CFAP299: variants seen among roughly 807,000 people sequenced by gnomAD.
The protein encoded by CFAP299 is cilia- and flagella-associated protein 299.
In CFAP299, 21 loss-of-function variants were observed where a neutral mutation model predicts 27.0. The observed-to-expected ratio is 0.78, with a 90% CI of 0.55 to 1.12. The LOEUF is 1.12. Ranked by LOEUF, CFAP299 falls within the 50% of genes most tolerant of loss-of-function variation. The pLI is 0.00. For synonymous variants in CFAP299, 104 were observed against 98.1 expected (o/e 1.06, Z -0.36); for missense variants, 310 against 276.6 (o/e 1.12, Z -0.86).
chr4:80,575,954 C>T (rs896857637), intron 2 of CFAP299, among the ~76,000 whole-genome samples: 1 of 151,588 alleles, frequency 6.6e-6, no homozygotes, highest in East Asian at 1.9e-4. Flanking sequence ...CTGAACGCCG[C>T]ATGTTCTCAC....
At chr4:80,438,551 C>T (rs550900594) in intron 2 of CFAP299, among the ~76,000 whole-genome samples, 19 of 152,182 alleles carry the variant, frequency 1.2e-4, no homozygotes, top group Non-Finnish European at 2.2e-4. Context: ...CTAATTTGAA[C>T]GTTACCTTTG....
At position 80,351,794 on chromosome 4, in the gene CFAP299, TGTTATA is replaced by T. The variant is rs760075107; in HGVS notation, c.112-10951_112-10946del. Among the ~76,000 whole-genome samples, 4 of 150,880 alleles carry T rather than the reference TGTTATA, an allele frequency of 2.7e-5. No individual in the cohort carries two copies. In the South Asian group the frequency reaches 6.2e-4, roughly 24 times the overall value. On this transcript the variant is annotated intron_variant, in intron 1 of 5. Transcript: ENST00000358105. ...AATAAAACATTAAGATTAATATTAATGTTATAGTTATAGTAATATATTAATAACATT... is the reference window on the plus strand; with the variant it reads ...AATAAAACATTAAGATTAATATTAATGTTATAGTAATATATTAATAACATT...
chr4:80,442,245 A>G (rs759914239), intron 2 of CFAP299, among the ~76,000 whole-genome samples: 1 of 152,218 alleles, frequency 6.6e-6, no homozygotes, highest in Non-Finnish European at 1.5e-5. Context: ...CCCCAAATCA[A>G]CAGAATATAC....
chr4:80,849,177 T>G (rs1214013271), intron 3 of CFAP299, among the ~76,000 whole-genome samples: 4 of 152,118 alleles, frequency 2.6e-5, no homozygotes, highest in Non-Finnish European at 5.9e-5. Flanking sequence ...TTTTAAAATT[T>G]TTTATTATTT....
chr4:80,509,417 A>G (rs746155195), intron 2 of CFAP299, among the ~76,000 whole-genome samples: 1 of 152,196 alleles, frequency 6.6e-6, no homozygotes, highest in African/African-American at 2.4e-5. Context: ...TGTGGGCCCA[A>G]AGTGAAAGCT....
At chr4:80,950,982 A>G (rs1414106239) in intron 5 of CFAP299, among the ~76,000 whole-genome samples, 3 of 152,230 alleles carry the variant, frequency 2.0e-5, no homozygotes, top group African/African-American at 7.2e-5. Flanking sequence ...ACAATGACTT[A>G]GAATCAAAAT....
At chr4:80,777,225 C>A (rs1306012392) in intron 3 of CFAP299, among the ~76,000 whole-genome samples, 2 of 152,122 alleles carry the variant, frequency 1.3e-5, no homozygotes, top group Non-Finnish European at 2.9e-5. Flanking sequence ...AAATGTTTAT[C>A]CTCTTTGAAA....
At chr4:80,565,391 A>G (rs2110227038) in intron 2 of CFAP299, among the ~76,000 whole-genome samples, 1 of 152,170 alleles carries the variant, frequency 6.6e-6, no homozygotes, top group African/African-American at 2.4e-5. Context: ...CATGTATAGA[A>G]TGTTTGCTTT....
chr4:80,673,052 C>G (rs1284559405), intron 3 of CFAP299, among the ~76,000 whole-genome samples: 1 of 151,888 alleles, frequency 6.6e-6, no homozygotes, highest in Non-Finnish European at 1.5e-5. Flanking sequence ...CTTCTGCTAG[C>G]TTTTGAATGT....
chr4:80,353,137 A>G (rs918991180), intron 1 of CFAP299, among the ~76,000 whole-genome samples: 1 of 152,236 alleles, frequency 6.6e-6, no homozygotes, highest in Admixed American at 6.5e-5. Flanking sequence ...TAAAATATCA[A>G]TAAAATTGAC....
In CFAP299 at chr4:80,335,810, C is replaced by G. The variant is rs1415585569; in HGVS notation, c.42C>G (p.Val14=). The part of the protein sequence containing the change: ...EEGLKALDNI[V]TQFNAYEDFL... ...GGCTGAAGGCCTTGGACAATATTGT[C>G]ACTCAATTCAACGCCTATGAAGATT... The change falls in exon 1 of 6, where the codon GTC becomes GTG. Residue 14 remains valine, a synonymous_variant. Transcript: ENST00000358105. The G allele has an allele frequency of 1.2e-6, 2 of 1,613,714 alleles. No individual in the cohort carries two copies. Among genetic ancestry groups the G allele is most frequent in the Admixed American group, 1.7e-5 (1 of 60,014 alleles).
intron 2 of CFAP299, chr4:80,388,826 C>T: frequency 2.6e-6 from 1 of 382,916 alleles, no homozygotes; most frequent in Admixed American, 4.2e-5. Flanking sequence ...TCTTCTCTTC[C>T]AATCATATTT....
At chr4:80,626,039 TAAC>T (rs1381214954) in intron 3 of CFAP299, among the ~76,000 whole-genome samples, 2 of 151,884 alleles carry the variant, frequency 1.3e-5, no homozygotes, top group East Asian at 1.9e-4. Flanking sequence ...CAAGTGGACA[TAAC>T]AAATATATGC....
intron 3 of CFAP299, among the ~76,000 whole-genome samples, chr4:80,615,060 C>T (rs1738201893): frequency 6.6e-6 from 1 of 152,160 alleles, no homozygotes; most frequent in African/African-American, 2.4e-5. Flanking sequence ...AAACTTCATT[C>T]ATATTTTAAT....
chr4:80,413,821 A>G (rs1726857865), intron 2 of CFAP299, among the ~76,000 whole-genome samples: 1 of 148,850 alleles, frequency 6.7e-6, no homozygotes, highest in Non-Finnish European at 1.5e-5. Context: ...CCATAAAATG[A>G]CTGTTGCAGT....
intron 4 of CFAP299, among the ~76,000 whole-genome samples, chr4:80,889,818 AC>A (rs1245692256): frequency 6.6e-6 from 1 of 152,144 alleles, no homozygotes; most frequent in Non-Finnish European, 1.5e-5. Context: ...GGATGGTTCA[AC>A]ATATGCAAAT....
chr4:80,578,695 T>A (rs1578626083), intron 2 of CFAP299, among the ~76,000 whole-genome samples: 1 of 152,200 alleles, frequency 6.6e-6, no homozygotes, highest in Non-Finnish European at 1.5e-5. Context: ...GGCCTAGATA[T>A]ATTTAGCACA....
chr4:80,774,107 G>A (rs1323183032), intron 3 of CFAP299, among the ~76,000 whole-genome samples: 1 of 151,834 alleles, frequency 6.6e-6, no homozygotes, highest in Non-Finnish European at 1.5e-5. Context: ...TTTTCCCAAT[G>A]TATGAAAAGA....
intron 3 of CFAP299, among the ~76,000 whole-genome samples, chr4:80,691,771 A>G (rs1410260089): frequency 6.6e-6 from 1 of 152,228 alleles, no homozygotes; most frequent in Non-Finnish European, 1.5e-5. Flanking sequence ...TTTGCAGTTG[A>G]CATGATTGTA....
Sources: allele counts gnomAD v4.1 joint callset (sites outside exome capture counted in the v4.1 genomes callset), GRCh38; gene constraint gnomAD v4.1.1; transcripts MANE v1.5; gene names NCBI Gene and HGNC (gene_info 2026-07-23, HGNC 2026-07-21).